ZFHX3: variants seen among roughly 807,000 people sequenced by gnomAD.
The protein encoded by ZFHX3 is zinc finger homeobox protein 3.
ZFHX3 carries 42 observed loss-of-function variants against 279.1 expected under a neutral mutation model. The ratio of observed to expected loss-of-function variants is 0.15; its 90% CI spans 0.12 to 0.19. The LOEUF is 0.19. Among genes scored for constraint, ZFHX3 ranks in the 10% least tolerant of loss-of-function variants. The pLI is 1.00. For synonymous variants in ZFHX3, 2,293 were observed against 1,957.8 expected (o/e 1.17, Z -4.52); for missense variants, 4,981 against 4,754.0 (o/e 1.05, Z -1.40).
intron 1 of ZFHX3, among the ~76,000 whole-genome samples, chr16:73,000,792 C>A (rs1428004110): frequency 6.6e-6 from 1 of 152,212 alleles, no homozygotes; most frequent in Non-Finnish European, 1.5e-5. Context: ...AGACCTTCCT[C>A]CACGTTCGAC....
intron 5 of ZFHX3, among the ~76,000 whole-genome samples, chr16:73,192,149 C>A (rs552058187): frequency 1.9e-3 from 284 of 152,242 alleles, no homozygotes; most frequent in Non-Finnish European, 3.2e-3. Context: ...TGCTACCTTC[C>A]CTCCAGCTCT....
At chr16:73,234,978 C>CT (rs1425879646) in intron 5 of ZFHX3, among the ~76,000 whole-genome samples, 2 of 152,226 alleles carry the variant, frequency 1.3e-5, no homozygotes, top group Non-Finnish European at 2.9e-5. Flanking sequence ...AGAATCCCAT[C>CT]CTAAAGCAGA....
intron 6 of ZFHX3, among the ~76,000 whole-genome samples, chr16:73,136,902 G>A (rs1008599655): frequency 6.6e-6 from 1 of 150,638 alleles, no homozygotes; most frequent in African/African-American, 2.4e-5. Flanking sequence ...TAGCTAGCAG[G>A]TCTTGGAGCA....
chr16:73,184,372 C>T (rs1567412609), intron 5 of ZFHX3, among the ~76,000 whole-genome samples: 1 of 152,184 alleles, frequency 6.6e-6, no homozygotes, highest in Non-Finnish European at 1.5e-5. Flanking sequence ...TGTCAGTTTT[C>T]AGGAGAAGGC....
At chr16:72,976,202 C>T (rs1962337338) in intron 1 of ZFHX3, among the ~76,000 whole-genome samples, 1 of 152,238 alleles carries the variant, frequency 6.6e-6, no homozygotes, top group Non-Finnish European at 1.5e-5. Context: ...GCCTAGAGCT[C>T]TGCTCATTCC....
At chr16:73,785,710 C>G (rs1001137780) in intron 1 of ZFHX3, among the ~76,000 whole-genome samples, 2 of 152,176 alleles carry the variant, frequency 1.3e-5, no homozygotes, top group South Asian at 2.1e-4. Flanking sequence ...ATAATTTTTA[C>G]TCAACATTTA....
intron 1 of ZFHX3, among the ~76,000 whole-genome samples, chr16:73,885,685 T>C (rs2030323739): frequency 6.6e-6 from 1 of 152,216 alleles, no homozygotes; most frequent in Non-Finnish European, 1.5e-5. Flanking sequence ...AAGTAGATTG[T>C]ATTTTATTAT....
At chr16:72,999,905 G>A (rs576676028) in intron 1 of ZFHX3, among the ~76,000 whole-genome samples, 1 of 152,334 alleles carries the variant, frequency 6.6e-6, no homozygotes, top group South Asian at 2.1e-4. Flanking sequence ...TCCAGATTCA[G>A]CTCTAAGAGC....
At chr16:72,962,181 T>C (rs1054981733) in intron 1 of ZFHX3, among the ~76,000 whole-genome samples, 1 of 152,230 alleles carries the variant, frequency 6.6e-6, no homozygotes, top group Non-Finnish European at 1.5e-5. Context: ...AGAACAGCTT[T>C]GATGCTGCAC....
intron 2 of ZFHX3, chr16:73,483,347 G>C (rs202111905): frequency 7.9e-6 from 3 of 378,252 alleles, no homozygotes; most frequent in Middle Eastern, 4.6e-4. Context: ...CAGAGAGAGA[G>C]AGAAAGAGAG....
chr16:73,208,532 T>C (rs1337699609), intron 5 of ZFHX3, among the ~76,000 whole-genome samples: 1 of 152,204 alleles, frequency 6.6e-6, no homozygotes, highest in African/African-American at 2.4e-5. Flanking sequence ...CATATTTACA[T>C]CTTTAAAAAT....
intron 2 of ZFHX3, among the ~76,000 whole-genome samples, chr16:73,514,851 C>A (rs192065266): frequency 2.0e-5 from 3 of 152,254 alleles, no homozygotes; most frequent in African/African-American, 4.8e-5. Flanking sequence ...CATGAACTTT[C>A]AATGTGCCTG....
intron 3 of ZFHX3, among the ~76,000 whole-genome samples, chr16:72,923,815 G>C (rs920499999): frequency 1.3e-5 from 2 of 152,116 alleles, no homozygotes; most frequent in Admixed American, 6.6e-5. Context: ...ACTCATTCCC[G>C]ATCAACATAC....
chr16:73,129,688 G>A (rs561761649), intron 7 of ZFHX3, among the ~76,000 whole-genome samples: 15 of 141,228 alleles, frequency 1.1e-4, no homozygotes, highest in South Asian at 6.3e-4. Flanking sequence ...GCATGTGTGC[G>A]CGCATGTGCA....
intron 1 of ZFHX3, among the ~76,000 whole-genome samples, chr16:73,036,266 G>C (rs1028530921): frequency 6.6e-6 from 1 of 152,192 alleles, no homozygotes; most frequent in Non-Finnish European, 1.5e-5. Context: ...CACAAGGCCA[G>C]TCTCATTTCT....
chr16:73,388,064 T>A (rs944214791), intron 3 of ZFHX3, among the ~76,000 whole-genome samples: 3 of 152,088 alleles, frequency 2.0e-5, no homozygotes, highest in African/African-American at 7.2e-5. Context: ...GAGAAACCTC[T>A]ATTTAGAGAT....
In ZFHX3 at chr16:73,804,926, G is replaced by GAGGGAGGGAGAGAGGGAGAGGA. The variant is rs1218472006; in HGVS notation, c.-1608+86703_-1608+86724dup. 1.5e-3 allele frequency among the ~76,000 whole-genome samples: 170 copies of GAGGGAGGGAGAGAGGGAGAGGA among 116,060 alleles called. 1 individual carries two copies. The highest frequency in any genetic ancestry group is 4.4e-3 in the African/African-American group (101 of 22,820). 76.1% of individuals were successfully genotyped at this position (116,060 alleles called of 152,430 possible). ...GGGAGGGAGGGAGGGGAGGGAGAGG[G>GAGGGAGGGAGAGAGGGAGAGGA]AGGGAGGGAGAGAGGGAGAGGAAGG... On this transcript the variant is annotated intron_variant, in intron 1 of 17. Transcript: ENST00000641206.
At chr16:73,307,500 T>C (rs2143152217) in intron 4 of ZFHX3, among the ~76,000 whole-genome samples, 2 of 152,312 alleles carry the variant, frequency 1.3e-5, no homozygotes, top group Middle Eastern at 3.4e-3. Flanking sequence ...TGCAAAAACA[T>C]ATTCTAGGAT....
At chr16:73,141,217 C>T (rs1053471512) in intron 6 of ZFHX3, among the ~76,000 whole-genome samples, 3 of 152,092 alleles carry the variant, frequency 2.0e-5, no homozygotes, top group Non-Finnish European at 4.4e-5. Flanking sequence ...CAGTGAAATA[C>T]CTTAGAGATT....
Sources: gnomAD v4.1 joint callset for allele counts (sites outside exome capture counted in the v4.1 genomes callset) on GRCh38, gnomAD v4.1.1 for gene constraint, MANE v1.5 for transcripts, NCBI Gene and HGNC (gene_info 2026-07-23, HGNC 2026-07-21) for gene names.